The following ZNG1E variants were observed in gnomAD, a reference collection of about 807,000 sequenced individuals.
The protein encoded by ZNG1E is zinc-regulated GTPase metalloprotein activator 1E.
chr9:65,661,970 A>G, the ZNG1E span, among the ~76,000 whole-genome samples: 1 of 152,266 alleles, frequency 6.6e-6, no homozygotes, highest in African/African-American at 2.4e-5. Flanking sequence ...TATGATGAAA[A>G]CACAAGACAT....
the ZNG1E span, among the ~76,000 whole-genome samples, chr9:65,668,381 T>C: frequency 7.9e-5 from 11 of 138,936 alleles, 1 homozygote; most frequent in African/African-American, 3.1e-4. Context: ...GGAAGTAAAA[T>C]TGAGGTTAGT....
At chr9:65,721,585 CT>C in the ZNG1E span, among the ~76,000 whole-genome samples, 2 of 150,046 alleles carry the variant, frequency 1.3e-5, no homozygotes, top group Non-Finnish European at 2.9e-5. Flanking sequence ...CCCAACATTT[CT>C]TTTGCCTGGA....
chr9:65,676,583 TC>T, the ZNG1E span, among the ~76,000 whole-genome samples: 3 of 150,790 alleles, frequency 2.0e-5, no homozygotes, highest in East Asian at 3.9e-4. Context: ...AGATTCCCCT[TC>T]CCCAGGAGCC....
chr9:65,685,856 G>A, the ZNG1E span, among the ~76,000 whole-genome samples: 1 of 151,954 alleles, frequency 6.6e-6, no homozygotes, highest in African/African-American at 2.4e-5. Flanking sequence ...ATAGCCTTAT[G>A]AAATATATTT....
the ZNG1E span, chr9:65,703,642 G>A: frequency 1.1e-6 from 1 of 903,480 alleles, no homozygotes; most frequent in African/African-American, 2.7e-5. Context: ...GCAGCTGATA[G>A]ACTCAGCAAC....
the ZNG1E span, chr9:65,691,028 TA>T: frequency 1.9e-6 from 3 of 1,597,596 alleles, no homozygotes; most frequent in Non-Finnish European, 2.6e-6. Flanking sequence ...ACCTTGATGG[TA>T]AGTTAAAAAA....
chr9:65,662,030 G>T, the ZNG1E span, among the ~76,000 whole-genome samples: 1 of 152,248 alleles, frequency 6.6e-6, no homozygotes, highest in Non-Finnish European at 1.5e-5. Context: ...AACTGCATCA[G>T]GGAAACAGTA....
chr9:65,685,125 A>G, the ZNG1E span, among the ~76,000 whole-genome samples: 1 of 152,226 alleles, frequency 6.6e-6, no homozygotes, highest in Non-Finnish European at 1.5e-5. Context: ...TGTCTAAAAA[A>G]CATACATACC....
the ZNG1E span, among the ~76,000 whole-genome samples, chr9:65,681,246 C>T: frequency 6.6e-6 from 1 of 152,042 alleles, no homozygotes; most frequent in African/African-American, 2.4e-5. Context: ...ATAAAACATA[C>T]TAGTCGATTT....
chr9:65,701,223 CAT>C, the ZNG1E span: 9 of 147,108 alleles, frequency 6.1e-5, no homozygotes, highest in South Asian at 2.2e-4. Context: ...GTTCTACTGA[CAT>C]TAGATTTTGA....
At chr9:65,671,819 T>G in the ZNG1E span, among the ~76,000 whole-genome samples, 2 of 145,932 alleles carry the variant, frequency 1.4e-5, no homozygotes, top group Admixed American at 7.1e-5. Flanking sequence ...CATTTTGGTT[T>G]GGTCTGGTCT....
the ZNG1E span, among the ~76,000 whole-genome samples, chr9:65,675,443 A>C: frequency 6.6e-6 from 1 of 150,848 alleles, no homozygotes; most frequent in South Asian, 2.1e-4. Context: ...AAAAATTGTC[A>C]CTGGTTATCC....
At chr9:65,658,077 C>T in the ZNG1E span, among the ~76,000 whole-genome samples, 3 of 134,686 alleles carry the variant, frequency 2.2e-5, no homozygotes, top group Non-Finnish European at 4.6e-5. Context: ...CCAGCCTGGG[C>T]AACAAGAGCA....
the ZNG1E span, among the ~76,000 whole-genome samples, chr9:65,665,305 C>G: frequency 6.6e-6 from 1 of 152,252 alleles, no homozygotes; most frequent in Non-Finnish European, 1.5e-5. Flanking sequence ...TGTATGCAGT[C>G]TAGGGACTTC....
chr9:65,668,517 A>G, the ZNG1E span, among the ~76,000 whole-genome samples: 1 of 150,900 alleles, frequency 6.6e-6, no homozygotes, highest in African/African-American at 2.4e-5. Flanking sequence ...ACACACATAT[A>G]TATATATGTG....
At chr9:65,659,149 C>T in the ZNG1E span, among the ~76,000 whole-genome samples, 1 of 152,192 alleles carries the variant, frequency 6.6e-6, no homozygotes, top group Admixed American at 6.5e-5. Flanking sequence ...GGTTTCTCAC[C>T]AGCAATTTGG....
chr9:65,709,431 C>T, the ZNG1E span, among the ~76,000 whole-genome samples: 1 of 140,334 alleles, frequency 7.1e-6, no homozygotes, highest in African/African-American at 2.8e-5. Context: ...ATACATGTGC[C>T]ATGCTGGTGG....
the ZNG1E span, among the ~76,000 whole-genome samples, chr9:65,714,349 C>A: frequency 1.3e-5 from 2 of 151,638 alleles, no homozygotes; most frequent in African/African-American, 4.9e-5. Flanking sequence ...GCCTTCTTTT[C>A]TCAGCTCGTC....
At chr9:65,663,140 T>A in the ZNG1E span, among the ~76,000 whole-genome samples, 16 of 152,364 alleles carry the variant, frequency 1.1e-4, no homozygotes, top group African/African-American at 3.8e-4. Flanking sequence ...TATATTATAT[T>A]GCTTTTCTCT....
Sources: allele counts gnomAD v4.1 joint callset (sites outside exome capture counted in the v4.1 genomes callset), GRCh38; gene constraint gnomAD v4.1.1; transcripts MANE v1.5; gene names NCBI Gene and HGNC (gene_info 2026-07-23, HGNC 2026-07-21).